Variants in NLGN1 observed in about 807,000 individuals in gnomAD.
NLGN1 encodes the protein neuroligin-1.
A neutral mutation model predicts 65.5 loss-of-function variants in NLGN1; 12 were observed. That is an observed-to-expected ratio of 0.18 (90% CI 0.12 to 0.30). NLGN1 has a LOEUF of 0.30. Among genes scored for constraint, NLGN1 ranks in the 10% least tolerant of loss-of-function variants. The pLI is 1.00. For missense variants in NLGN1, 750 were observed against 1,007.1 expected (o/e 0.74, Z 3.46); for synonymous variants, 350 against 359.5 (o/e 0.97, Z 0.30).
chr3:173,885,310 C>CAT (rs201199667), intron 4 of NLGN1, among the ~76,000 whole-genome samples: 2,368 of 152,088 alleles, frequency 0.016, 59 homozygotes, highest in African/African-American at 0.051. Context: ...TTTTTTCAAA[C>CAT]ATATGATATC....
intron 4 of NLGN1, among the ~76,000 whole-genome samples, chr3:174,265,452 T>G (rs1392187186): frequency 2.0e-5 from 3 of 152,216 alleles, no homozygotes; most frequent in Non-Finnish European, 4.4e-5. Flanking sequence ...TCCAGGTGCG[T>G]CCGTCACCCC....
chr3:173,898,899 C>T (rs1045186004), intron 4 of NLGN1, among the ~76,000 whole-genome samples: 2 of 151,850 alleles, frequency 1.3e-5, no homozygotes, highest in African/African-American at 4.8e-5. Context: ...AATTGTTTTG[C>T]GGACCATTCA....
At chr3:174,095,479 T>TTGTG (rs145452364) in intron 4 of NLGN1, among the ~76,000 whole-genome samples, 20,208 of 149,838 alleles carry the variant, frequency 0.13, 1,553 homozygotes, top group African/African-American at 0.21. Flanking sequence ...GTGTGTATGC[T>TTGTG]TGTGTGTGTG....
intron 4 of NLGN1, among the ~76,000 whole-genome samples, chr3:173,942,109 G>GGGGTGTGT (rs1191002397): frequency 6.9e-6 from 1 of 144,070 alleles, no homozygotes; most frequent in African/African-American, 2.6e-5. Context: ...GGTGGTTGGG[G>GGGGTGTGT]GTGTGTGTGT....
In NLGN1 at chr3:173,942,381, A is replaced by T. The variant is rs572230974; in HGVS notation, c.646+134549A>T. On this transcript the variant is annotated intron_variant, in intron 4 of 6. Transcript: ENST00000457714. ...AGTGTTGGCTTGAAGCAGGATCATA[A>T]GTGTAAACTTGCAGTGTATCATTCA... Among the ~76,000 whole-genome samples, 48 of 152,254 alleles carry T rather than the reference A, an allele frequency of 3.2e-4. No individual in the cohort carries two copies. In the East Asian group the frequency reaches 7.3e-3, roughly 23 times the overall value.
intron 2 of NLGN1, among the ~76,000 whole-genome samples, chr3:173,554,382 T>C (rs2149273912): frequency 6.6e-6 from 1 of 152,280 alleles, no homozygotes; most frequent in Non-Finnish European, 1.5e-5. Context: ...CAGTGTATGG[T>C]AATGAAAAAT....
intron 3 of NLGN1, among the ~76,000 whole-genome samples, chr3:173,687,099 C>T (rs985302525): frequency 6.6e-6 from 1 of 152,154 alleles, no homozygotes; most frequent in African/African-American, 2.4e-5. Context: ...TTGGGTTTTG[C>T]TGTGCTTGTA....
intron 4 of NLGN1, among the ~76,000 whole-genome samples, chr3:174,026,829 G>A (rs941638537): frequency 6.6e-6 from 1 of 152,094 alleles, no homozygotes; most frequent in Non-Finnish European, 1.5e-5. Context: ...AGAACTTGAA[G>A]CAAAGTTGCA....
At chr3:173,797,404 A>G (rs1353521664) in intron 3 of NLGN1, among the ~76,000 whole-genome samples, 3 of 152,102 alleles carry the variant, frequency 2.0e-5, no homozygotes, top group Non-Finnish European at 4.4e-5. Flanking sequence ...AATTCGTACT[A>G]TGGGAAAAAA....
At chr3:173,405,028 A>G (rs908518688) in intron 1 of NLGN1, among the ~76,000 whole-genome samples, 4 of 152,146 alleles carry the variant, frequency 2.6e-5, no homozygotes, top group African/African-American at 9.6e-5. Flanking sequence ...TGAATAAAAC[A>G]TATATTAGCA....
chr3:174,210,590 AG>A (rs1464082146), intron 4 of NLGN1, among the ~76,000 whole-genome samples: 1 of 152,202 alleles, frequency 6.6e-6, no homozygotes, highest in Admixed American at 6.5e-5. Context: ...AAAGAAAACA[AG>A]ATCTTCCATC....
chr3:173,524,828 G>C (rs1735358660), intron 2 of NLGN1, among the ~76,000 whole-genome samples: 2 of 152,126 alleles, frequency 1.3e-5, no homozygotes, highest in Non-Finnish European at 2.9e-5. Flanking sequence ...TGATTATATA[G>C]TTTTGGTTTT....
At chr3:174,198,844 CTTTTT>C (rs56752477) in intron 4 of NLGN1, among the ~76,000 whole-genome samples, 74 of 99,880 alleles carry the variant, frequency 7.4e-4, no homozygotes, top group Admixed American at 6.3e-4. Flanking sequence ...TGACTAGATT[CTTTTT>C]TTTTTTTTTT....
intron 4 of NLGN1, among the ~76,000 whole-genome samples, chr3:173,853,566 A>G (rs927594943): frequency 1.3e-5 from 2 of 152,144 alleles, no homozygotes; most frequent in Non-Finnish European, 1.5e-5. Context: ...TATATTTATA[A>G]TGTAGTATTA....
chr3:173,723,642 C>T (rs1336204718), intron 3 of NLGN1, among the ~76,000 whole-genome samples: 1 of 152,094 alleles, frequency 6.6e-6, no homozygotes. Flanking sequence ...GAATATAAGA[C>T]ACTTTTTAAT....
At chr3:173,539,842 ATATAT>A (rs1183559309) in intron 2 of NLGN1, among the ~76,000 whole-genome samples, 3 of 136,072 alleles carry the variant, frequency 2.2e-5, no homozygotes, top group Non-Finnish European at 4.5e-5. Context: ...TATATGTTAT[ATATAT>A]TATATGTTAT....
intron 4 of NLGN1, among the ~76,000 whole-genome samples, chr3:173,815,084 C>T (rs1270653979): frequency 6.8e-6 from 1 of 146,806 alleles, no homozygotes. Flanking sequence ...TTCGTTCCTT[C>T]TTTCCTTCCT....
At chr3:174,161,495 C>A (rs1387819938) in intron 4 of NLGN1, among the ~76,000 whole-genome samples, 1 of 151,820 alleles carries the variant, frequency 6.6e-6, no homozygotes, top group Non-Finnish European at 1.5e-5. Flanking sequence ...ATCACTGAGA[C>A]AACTAGTATT....
At position 173,591,426 on chromosome 3, in the gene NLGN1, T is replaced by C. The variant is rs575040248; in HGVS notation, c.-320-12853T>C. Among the ~76,000 whole-genome samples, 8 of 152,330 alleles carry C rather than the reference T, an allele frequency of 5.3e-5. No individual in the cohort carries two copies. In the East Asian group the frequency reaches 1.4e-3, roughly 26 times the overall value. ...GGTCAGGAGTGACAGGAAACCATTA[T>C]TGCTGTTCGGTGCCTTATGTGAAAG... On this transcript the variant is annotated intron_variant, in intron 2 of 6. Transcript: ENST00000457714.
Sources: gnomAD v4.1 joint callset for allele counts (sites outside exome capture counted in the v4.1 genomes callset) on GRCh38, gnomAD v4.1.1 for gene constraint, MANE v1.5 for transcripts, NCBI Gene and HGNC (gene_info 2026-07-23, HGNC 2026-07-21) for gene names.